RGS21: variants seen among roughly 807,000 people sequenced by gnomAD.
The protein encoded by RGS21 is regulator of G protein signaling 21.
Under a neutral mutation model 18.7 loss-of-function variants are expected in RGS21, and 19 were observed. The observed-to-expected ratio is 1.01, with a 90% CI of 0.71 to 1.49. The LOEUF (loss-of-function observed/expected upper bound fraction) is 1.49, where lower values mean the gene tolerates loss of function less well. Ranked by LOEUF, RGS21 falls within the 40% of genes most tolerant of loss-of-function variation. The probability of loss-of-function intolerance (pLI) is 0.00; values close to 1 mark genes in which losing one functional copy is unlikely to be tolerated. For missense variants in RGS21, 194 were observed against 176.8 expected (o/e 1.10, Z -0.55); for synonymous variants, 56 against 57.8 (o/e 0.97, Z 0.14).
intron 3 of RGS21, among the ~76,000 whole-genome samples, chr1:192,351,700 C>CTATATATGT (rs1659043042): frequency 6.8e-6 from 1 of 146,064 alleles, no homozygotes; most frequent in Non-Finnish European, 1.5e-5. Flanking sequence ...GCTATATATG[C>CTATATATGT]TATATATAGC....
intron 1 of RGS21, among the ~76,000 whole-genome samples, chr1:192,335,341 C>G (rs985978755): frequency 6.6e-6 from 1 of 152,148 alleles, no homozygotes; most frequent in African/African-American, 2.4e-5. Context: ...ATTAGATACT[C>G]TCTTTAAAGC....
intron 4 of RGS21, among the ~76,000 whole-genome samples, chr1:192,364,633 T>C (rs1659229313): frequency 6.6e-6 from 1 of 152,136 alleles, no homozygotes; most frequent in Non-Finnish European, 1.5e-5. Flanking sequence ...TAGTGCACCA[T>C]AAATTGTCAT....
At position 192,366,148 on chromosome 1, in the gene RGS21, C is replaced by G. The variant is rs777498733; in HGVS notation, c.*24C>G. The G allele has an allele frequency of 1.1e-6, 1 of 892,462 alleles. No individual in the cohort carries two copies. Among genetic ancestry groups the G allele is most frequent in the Non-Finnish European group, 1.8e-6 (1 of 571,000 alleles). The allele number at this position is 892,462 out of a possible 1,614,324, so 55.3% of individuals were successfully genotyped here. Reference sequence around the variant, plus strand: ...GAGGAAGGTAAAAGTTAACTAATCACTATACTTCAGGGCTACAATATTTTA... The same window carrying G: ...GAGGAAGGTAAAAGTTAACTAATCAGTATACTTCAGGGCTACAATATTTTA... On this transcript the variant is annotated 3_prime_UTR_variant, in exon 5 of 5. Coordinates refer to ENST00000417209, the MANE Select transcript of RGS21 (RefSeq NM_001039152.3).
chr1:192,347,332 C>A lies in RGS21; in HGVS notation c.31C>A (p.Pro11Thr). MPVKCCFYRS[P>T]TAETMTWSEN... ...GGTTAGATGCTGTTTCTACAGGTCA[C>A]CAACTGCGGAAACAATGACATGGTC... The change falls in exon 3 of 5, where the codon CCA becomes ACA. Residue 11 changes from proline (P) to threonine (T), a missense_variant. Coordinates refer to ENST00000417209, the MANE Select transcript of RGS21 (RefSeq NM_001039152.3). 1 of 1,606,730 alleles carries A rather than the reference C, an allele frequency of 6.2e-7. No homozygotes were observed. Among genetic ancestry groups the A allele is most frequent in the Non-Finnish European group, 8.5e-7 (1 of 1,174,216 alleles).
chr1:192,350,986 G>A (rs577614749), intron 3 of RGS21, among the ~76,000 whole-genome samples: 41 of 152,266 alleles, frequency 2.7e-4, no homozygotes, highest in Admixed American at 5.2e-4. Context: ...AGAAATCACC[G>A]ACTGCAAGCC....
At position 192,366,163 on chromosome 1, in the gene RGS21, A is replaced by G. The variant is rs755651927; in HGVS notation, c.*39A>G. 1 of 1,177,264 alleles carries G rather than the reference A, an allele frequency of 8.5e-7. No homozygotes were observed. The highest frequency in any genetic ancestry group is 1.3e-6 in the Non-Finnish European group (1 of 797,974). The allele number at this position is 1,177,264 out of a possible 1,614,324, so 72.9% of individuals were successfully genotyped here. A position where few individuals can be genotyped will look rare whatever the true frequency, so the allele number is the denominator to read the frequency against. On this transcript the variant is annotated 3_prime_UTR_variant, in exon 5 of 5. Transcript: ENST00000417209. ...TAACTAATCACTATACTTCAGGGCT[A>G]CAATATTTTAAATATACAAGCATGA...
In RGS21 at chr1:192,336,466, A is replaced by C. The variant is rs1316616394; in HGVS notation, c.-60-6511A>C. Among the ~76,000 whole-genome samples the C allele has an allele frequency of 2.6e-5, 4 of 152,282 alleles. No individual in the cohort carries two copies. In the East Asian group the frequency reaches 7.7e-4, roughly 29 times the overall value. On this transcript the variant is annotated intron_variant, in intron 1 of 4. Coordinates refer to ENST00000417209, the MANE Select transcript of RGS21 (RefSeq NM_001039152.3). ...TGAAACCCCATCTAAAAAATAAATA[A>C]ATAAAATAAAATAAAAGGCTCAAGT...
chr1:192,358,084 T>TAG, intron 4 of RGS21, among the ~76,000 whole-genome samples: 1 of 152,154 alleles, frequency 6.6e-6, no homozygotes, highest in Middle Eastern at 3.4e-3. Context: ...GTAGCTTTTG[T>TAG]ATATCTATTT....
chr1:192,342,664 T>C (rs752235441), intron 1 of RGS21, among the ~76,000 whole-genome samples: 8 of 151,580 alleles, frequency 5.3e-5, no homozygotes, highest in Non-Finnish European at 1.2e-4. Context: ...ATATGTATAT[T>C]TATAATATGT....
chr1:192,342,244 T>C (rs1658881754), intron 1 of RGS21, among the ~76,000 whole-genome samples: 1 of 152,086 alleles, frequency 6.6e-6, no homozygotes, highest in Admixed American at 6.6e-5. Context: ...AGAACTGTAT[T>C]ACATTGAGAT....
At chr1:192,360,741 T>C (rs981984745) in intron 4 of RGS21, among the ~76,000 whole-genome samples, 10 of 152,166 alleles carry the variant, frequency 6.6e-5, no homozygotes, top group African/African-American at 2.4e-4. Context: ...TTTATCTTTC[T>C]TCTCAAAACC....
intron 2 of RGS21, among the ~76,000 whole-genome samples, chr1:192,347,019 T>C (rs537213433): frequency 6.6e-6 from 1 of 152,284 alleles, no homozygotes; most frequent in South Asian, 2.1e-4. Flanking sequence ...TGAAAAGAAA[T>C]TCACCATTGA....
At chr1:192,355,634 C>T (rs1446101484) in intron 4 of RGS21, among the ~76,000 whole-genome samples, 1 of 151,366 alleles carries the variant, frequency 6.6e-6, no homozygotes, top group Non-Finnish European at 1.5e-5. Flanking sequence ...CTACTTTGTA[C>T]ATACTAATAA....
intron 4 of RGS21, among the ~76,000 whole-genome samples, chr1:192,358,660 G>T (rs1243522312): frequency 4.6e-5 from 7 of 151,968 alleles, no homozygotes; most frequent in African/African-American, 1.7e-4. Context: ...ATGAGGAAAG[G>T]CTATCTAATT....
At chr1:192,348,937 A>G (rs1034959041) in intron 3 of RGS21, among the ~76,000 whole-genome samples, 1 of 140,190 alleles carries the variant, frequency 7.1e-6, no homozygotes, top group Admixed American at 7.0e-5. Context: ...TATTATTTCT[A>G]AATGACTAAT....
chr1:192,330,092 C>T (rs915984024), intron 1 of RGS21, among the ~76,000 whole-genome samples: 2 of 151,986 alleles, frequency 1.3e-5, no homozygotes, highest in Non-Finnish European at 2.9e-5. Context: ...GAATTTAAAG[C>T]TGAATAAATA....
chr1:192,363,033 A>T (rs1332521561), intron 4 of RGS21, among the ~76,000 whole-genome samples: 5 of 152,190 alleles, frequency 3.3e-5, no homozygotes, highest in African/African-American at 1.2e-4. Flanking sequence ...CTTGTGAAAG[A>T]CTTAGGATAA....
chr1:192,324,716 A>G (rs1658542977), intron 1 of RGS21, among the ~76,000 whole-genome samples: 1 of 152,048 alleles, frequency 6.6e-6, no homozygotes, highest in Non-Finnish European at 1.5e-5. Flanking sequence ...AAAAACCTCC[A>G]TCCATAGAAA....
intron 1 of RGS21, among the ~76,000 whole-genome samples, chr1:192,330,300 T>C (rs1005019702): frequency 6.6e-6 from 1 of 152,122 alleles, no homozygotes; most frequent in Non-Finnish European, 1.5e-5. Context: ...TGGGTAGAAT[T>C]TAGACAACTA....
Sources: gnomAD v4.1 joint callset for allele counts (sites outside exome capture counted in the v4.1 genomes callset) on GRCh38, gnomAD v4.1.1 for gene constraint, MANE v1.5 for transcripts, NCBI Gene and HGNC (gene_info 2026-07-23, HGNC 2026-07-21) for gene names.